The following VAPB variants were observed in gnomAD, a reference collection of about 807,000 sequenced individuals.
VAPB encodes the protein vesicle-associated membrane protein-associated protein B/C.
Under a neutral mutation model 25.6 loss-of-function variants are expected in VAPB, and 7 were observed. That is an observed-to-expected ratio of 0.27 (90% CI 0.16 to 0.51). The LOEUF (loss-of-function observed/expected upper bound fraction) is 0.51. Ranked by LOEUF, VAPB falls within the 20% of genes least tolerant of loss-of-function variation. The pLI, the probability that VAPB is intolerant of heterozygous loss-of-function variation, is 0.97. For synonymous variants in VAPB, 112 were observed against 109.2 expected (o/e 1.03, Z -0.16); for missense variants, 266 against 301.3 (o/e 0.88, Z 0.87).
chr20:58,445,393 T>G lies in VAPB; in HGVS notation c.*1158T>G. The G allele has an allele frequency of 4.4e-6, 2 of 454,446 alleles. No individual in the cohort carries two copies. The highest frequency in any genetic ancestry group is 8.8e-6 in the Non-Finnish European group (2 of 226,770). 28.2% of individuals were successfully genotyped at this position (454,446 alleles called of 1,614,324 possible). ...AAGCGAGGGCACCAGCAGTTGTGGG[T>G]GGGGAGCAAGGGAAGAGAGAAACTC... On this transcript the variant is annotated 3_prime_UTR_variant, in exon 6 of 6. Transcript: ENST00000475243.
chr20:58,391,291 A>G (rs1017649604), intron 1 of VAPB, among the ~76,000 whole-genome samples: 1 of 152,126 alleles, frequency 6.6e-6, no homozygotes, highest in Non-Finnish European at 1.5e-5. Flanking sequence ...TCCTCCCAGT[A>G]CTTTAGGGAA....
At chr20:58,423,818 T>C (rs1988727306) in intron 2 of VAPB, among the ~76,000 whole-genome samples, 1 of 152,234 alleles carries the variant, frequency 6.6e-6, no homozygotes, top group South Asian at 2.1e-4. Flanking sequence ...ACCAGGCTTA[T>C]TACTCTCAGA....
chr20:58,410,539 C>T (rs574829063), intron 1 of VAPB, among the ~76,000 whole-genome samples: 32 of 152,234 alleles, frequency 2.1e-4, no homozygotes, highest in African/African-American at 6.3e-4. Flanking sequence ...GCCTCAGCCC[C>T]CCGAGTTGCT....
chr20:58,394,026 C>G (rs1987885137), intron 1 of VAPB, among the ~76,000 whole-genome samples: 1 of 152,194 alleles, frequency 6.6e-6, no homozygotes, highest in Admixed American at 6.5e-5. Context: ...GCCACTGCAC[C>G]CAGCCGGTTA....
rs1422636299 is a variant in VAPB, at chr20:58,449,984, C to G, written c.*5749C>G. Reference sequence around the variant, plus strand: ...CAACTAAGGGAGACTAATCAGATATCTTAACACAATTTCATCCAGGCTTAG... The same window carrying G: ...CAACTAAGGGAGACTAATCAGATATGTTAACACAATTTCATCCAGGCTTAG... On this transcript the variant is annotated 3_prime_UTR_variant, in exon 6 of 6. Coordinates refer to ENST00000475243, the MANE Select transcript of VAPB (RefSeq NM_004738.5). The G allele has an allele frequency of 4.4e-6, 2 of 453,690 alleles. No homozygotes were observed. Among genetic ancestry groups the G allele is most frequent in the African/African-American group, 2.0e-5 (1 of 49,888 alleles). 28.1% of individuals were successfully genotyped at this position (453,690 alleles called of 1,614,324 possible). A position where few individuals can be genotyped will look rare whatever the true frequency, so the allele number is the denominator to read the frequency against.
At position 58,449,630 on chromosome 20, in the gene VAPB, A is replaced by G. The variant is rs1162680741; in HGVS notation, c.*5395A>G. The G allele has an allele frequency of 4.4e-6, 2 of 453,900 alleles. No individual in the cohort carries two copies. Among genetic ancestry groups the G allele is most frequent in the Non-Finnish European group, 8.8e-6 (2 of 226,690 alleles). The allele number at this position is 453,900 out of a possible 1,614,324, so 28.1% of individuals were successfully genotyped here. Reference sequence around the variant, plus strand: ...TTAAAAGATGTCAGTTGAATAAAACAGTACTGTGGGAGAATCGCTTTCTGC... The same window carrying G: ...TTAAAAGATGTCAGTTGAATAAAACGGTACTGTGGGAGAATCGCTTTCTGC... On this transcript the variant is annotated 3_prime_UTR_variant, in exon 6 of 6. Coordinates refer to ENST00000475243, the MANE Select transcript of VAPB (RefSeq NM_004738.5).
In VAPB at chr20:58,389,295, T is replaced by G. The variant is rs374366107; in HGVS notation, c.-165T>G. On this transcript the variant is annotated 5_prime_UTR_variant, in exon 1 of 6. Coordinates refer to ENST00000475243, the MANE Select transcript of VAPB (RefSeq NM_004738.5). ...CCTCCGCCCCTGCGCCTGCACCGCG[T>G]AGACCGACCCCCCCCCAGCGCGCCC... The G allele has an allele frequency of 7.1e-5, 48 of 675,304 alleles. No homozygotes were observed. Among genetic ancestry groups the G allele is most frequent in the South Asian group, 3.5e-4 (23 of 66,278 alleles). 41.8% of individuals were successfully genotyped at this position (675,304 alleles called of 1,614,324 possible).
intron 1 of VAPB, among the ~76,000 whole-genome samples, chr20:58,399,490 G>A (rs1009832593): frequency 6.6e-6 from 1 of 152,038 alleles, no homozygotes; most frequent in African/African-American, 2.4e-5. Flanking sequence ...GCTGGGGTGG[G>A]TGGATCGCTT....
At chr20:58,392,651 T>C (rs1283899614) in intron 1 of VAPB, among the ~76,000 whole-genome samples, 1 of 152,228 alleles carries the variant, frequency 6.6e-6, no homozygotes, top group East Asian at 1.9e-4. Context: ...TTTCTGGTCG[T>C]TCACCTAGAT....
intron 1 of VAPB, among the ~76,000 whole-genome samples, chr20:58,417,622 C>T (rs1988573660): frequency 6.6e-6 from 1 of 152,216 alleles, no homozygotes; most frequent in Non-Finnish European, 1.5e-5. Flanking sequence ...CTTCTTGCTA[C>T]AGCCTAAGGT....
Position 58,390,853 on chromosome 20 carries a change from G to A in VAPB, c.58+1336G>A, listed in dbSNP as rs148421521. ...CACGCTCTTAACCGTTTTGCTGTCT[G>A]ATCGCTGGGAAATACTCCAGAACGG... On this transcript the variant is annotated intron_variant, in intron 1 of 5. Transcript: ENST00000475243. 5.5e-3 allele frequency among the ~76,000 whole-genome samples: 794 copies of A among 143,958 alleles called. 7 individuals are homozygous for A. Among genetic ancestry groups the A allele is most frequent in the African/African-American group, 0.02 (743 of 36,966 alleles). The allele number at this position is 143,958 out of a possible 152,430, so 94.4% of individuals were successfully genotyped here. A position where few individuals can be genotyped will look rare whatever the true frequency, so the allele number is the denominator to read the frequency against.
intron 1 of VAPB, among the ~76,000 whole-genome samples, chr20:58,399,713 CAAAAAAA>C (rs11315321): frequency 7.8e-6 from 1 of 128,388 alleles, no homozygotes; most frequent in African/African-American, 2.8e-5. Flanking sequence ...GAGACCGTCT[CAAAAAAA>C]AAAAAAAAAA....
In VAPB at chr20:58,450,881, T is replaced by G. The variant is rs1376863449; in HGVS notation, c.*6646T>G. The G allele has an allele frequency of 2.2e-6, 1 of 454,044 alleles. No homozygotes were observed. Among genetic ancestry groups the G allele is most frequent in the Non-Finnish European group, 4.4e-6 (1 of 226,814 alleles). The allele number at this position is 454,044 out of a possible 1,614,324, so 28.1% of individuals were successfully genotyped here. A position where few individuals can be genotyped will look rare whatever the true frequency, so the allele number is the denominator to read the frequency against. On this transcript the variant is annotated 3_prime_UTR_variant, in exon 6 of 6. Coordinates refer to ENST00000475243, the MANE Select transcript of VAPB (RefSeq NM_004738.5). Reference sequence around the variant, plus strand: ...ACTCTTTACTGTTGCACATTTTGGTTTTCTGATATGTAATAAATTCATGGC... The same window carrying G: ...ACTCTTTACTGTTGCACATTTTGGTGTTCTGATATGTAATAAATTCATGGC...
chr20:58,404,086 A>G (rs568118325), intron 1 of VAPB, among the ~76,000 whole-genome samples: 15 of 151,896 alleles, frequency 9.9e-5, no homozygotes, highest in East Asian at 5.8e-4. Flanking sequence ...TTCTGTCTCT[A>G]TTTTTTCTGC....
chr20:58,444,632 A>T lies in VAPB; in HGVS notation c.*397A>T, dbSNP rs563770419. On this transcript the variant is annotated 3_prime_UTR_variant, in exon 6 of 6. Coordinates refer to ENST00000475243, the MANE Select transcript of VAPB (RefSeq NM_004738.5). ...GGCCCTTGGGGAGCTGGAGCCCAGC[A>T]TGCTGGGGAGTGCGGTCAGCTCCAC... 1 of 455,222 alleles carries T rather than the reference A, an allele frequency of 2.2e-6. No individual in the cohort carries two copies. Among genetic ancestry groups the T allele is most frequent in the African/African-American group, 2.0e-5 (1 of 50,176 alleles). The allele number at this position is 455,222 out of a possible 1,614,324, so 28.2% of individuals were successfully genotyped here. A position where few individuals can be genotyped will look rare whatever the true frequency, so the allele number is the denominator to read the frequency against.
At position 58,450,234 on chromosome 20, in the gene VAPB, A is replaced by G. The variant is rs1179893864; in HGVS notation, c.*5999A>G. The G allele has an allele frequency of 6.6e-6, 3 of 451,950 alleles. No homozygotes were observed. The highest frequency in any genetic ancestry group is 1.3e-5 in the Non-Finnish European group (3 of 225,412). The allele number at this position is 451,950 out of a possible 1,614,324, so 28.0% of individuals were successfully genotyped here. A position where few individuals can be genotyped will look rare whatever the true frequency, so the allele number is the denominator to read the frequency against. On this transcript the variant is annotated 3_prime_UTR_variant, in exon 6 of 6. Transcript: ENST00000475243. ...CCATGTTAAAATGTTTTTCCATTGC[A>G]TCTTTTATGTGAATTCAAAGGTCAG...
intron 2 of VAPB, 72 bp downstream of exon 2, chr20:58,418,435 G>A: frequency 6.4e-7 from 1 of 1,572,622 alleles, no homozygotes; most frequent in Admixed American, 1.8e-5. Context: ...CTTAAAGTTT[G>A]TATTTGCAGT....
chr20:58,410,451 C>G (rs1249106616), intron 1 of VAPB, among the ~76,000 whole-genome samples: 1 of 152,098 alleles, frequency 6.6e-6, no homozygotes, highest in Admixed American at 6.6e-5. Context: ...GAGTCTTGCT[C>G]CATCACACAG....
intron 4 of VAPB, chr20:58,439,784 C>T (rs1419482822): frequency 1.3e-5 from 2 of 152,160 alleles, no homozygotes; most frequent in South Asian, 2.1e-4. Flanking sequence ...TTTCATGATC[C>T]TCACTTGTGA....
Sources: allele counts gnomAD v4.1 joint callset (sites outside exome capture counted in the v4.1 genomes callset), GRCh38; gene constraint gnomAD v4.1.1; transcripts MANE v1.5; gene names NCBI Gene and HGNC (gene_info 2026-07-23, HGNC 2026-07-21).